ARHGAP6: variants seen among roughly 807,000 people sequenced by gnomAD.
ARHGAP6 encodes rho GTPase-activating protein 6.
In ARHGAP6, 16 loss-of-function variants were observed where a neutral mutation model predicts 55.7. The ratio of observed to expected loss-of-function variants is 0.29; its 90% CI spans 0.19 to 0.44. The LOEUF (loss-of-function observed/expected upper bound fraction) is 0.44. ARHGAP6 is among the 20% of genes least tolerant of loss of function. The pLI is 1.00. For synonymous variants in ARHGAP6, 382 were observed against 360.9 expected, an observed-to-expected ratio of 1.06 and a Z score of -0.66; for missense variants, 698 against 808.9, an observed-to-expected ratio of 0.86 and a Z score of 1.66.
intron 12 of ARHGAP6, among the ~76,000 whole-genome samples, chrX:11,141,643 G>T (rs1209789782): frequency 8.9e-6 from 1 of 112,411 alleles, no homozygotes; most frequent in Non-Finnish European, 1.9e-5. Flanking sequence ...GCACACAGCA[G>T]TGTAAAATCT....
intron 4 of ARHGAP6, among the ~76,000 whole-genome samples, chrX:11,187,869 AAATAAT>A (rs1033501707): frequency 2.7e-5 from 3 of 111,144 alleles, no homozygotes; most frequent in African/African-American, 6.6e-5. Flanking sequence ...TCTCTACTAA[AAATAAT>A]AATAATAACA....
intron 1 of ARHGAP6, among the ~76,000 whole-genome samples, chrX:11,507,173 TC>T (rs2050743359): frequency 9.0e-6 from 1 of 111,703 alleles, no homozygotes; most frequent in African/African-American, 3.3e-5. Flanking sequence ...AAAGCCTCAT[TC>T]TGAAGGGGAG....
intron 1 of ARHGAP6, among the ~76,000 whole-genome samples, chrX:11,546,730 A>C (rs1001888599): frequency 8.9e-6 from 1 of 112,014 alleles, no homozygotes; most frequent in Non-Finnish European, 1.9e-5. Flanking sequence ...TTCCAGGTCT[A>C]TATCCAACAT....
Position 11,300,659 on chromosome X carries a change from A to G in ARHGAP6, c.589-45952T>C, listed in dbSNP as rs2048161286. ...AATGAATACTTCAGATGCTTTCAGGAGTGACACAAGAACACAATGATTTTT... is the reference window on the plus strand; with the variant it reads ...AATGAATACTTCAGATGCTTTCAGGGGTGACACAAGAACACAATGATTTTT... On this transcript the variant is annotated intron_variant, in intron 1 of 12. Coordinates refer to ENST00000337414, the MANE Select transcript of ARHGAP6 (RefSeq NM_013427.3). 5 of 1,141,322 alleles carry G rather than the reference A, an allele frequency of 4.4e-6. No homozygotes were observed. In the East Asian group the frequency reaches 1.5e-4, roughly 34 times the overall value. The allele number at this position is 1,141,322 out of a possible 1,213,427, so 94.1% of individuals were successfully genotyped here. A position where few individuals can be genotyped will look rare whatever the true frequency, so the allele number is the denominator to read the frequency against.
intron 1 of ARHGAP6, among the ~76,000 whole-genome samples, chrX:11,511,439 G>A (rs2050784135): frequency 8.9e-6 from 1 of 112,254 alleles, no homozygotes. Context: ...CTAACCCCTG[G>A]GAGGACAGTG....
intron 1 of ARHGAP6, among the ~76,000 whole-genome samples, chrX:11,374,082 G>A (rs1714313627): frequency 8.9e-6 from 1 of 111,964 alleles, no homozygotes; most frequent in Non-Finnish European, 1.9e-5. Flanking sequence ...CATCCCTATA[G>A]CTAAGCCTGT....
At chrX:11,580,511 T>C (rs1294040703) in intron 1 of ARHGAP6, among the ~76,000 whole-genome samples, 2 of 112,068 alleles carry the variant, frequency 1.8e-5, no homozygotes, top group Non-Finnish European at 3.8e-5. Context: ...TGTCTCAAAC[T>C]GTTTTTTAAA....
In ARHGAP6 at chrX:11,168,479, G is replaced by A. The variant is rs191030874; in HGVS notation, c.1809+1026C>T. Among the ~76,000 whole-genome samples, 11 of 111,953 alleles carry A rather than the reference G, an allele frequency of 9.8e-5. No individual in the cohort carries two copies. The East Asian group carries it at 3.1e-3, about 31-fold the overall frequency. Reference sequence around the variant, plus strand: ...CACAATCACATAGGTAAGACACAGAGGGCAAATACTCTAAACTGCTGGGTC... The same window carrying A: ...CACAATCACATAGGTAAGACACAGAAGGCAAATACTCTAAACTGCTGGGTC... On this transcript the variant is annotated intron_variant, in intron 9 of 12. Coordinates refer to ENST00000337414, the MANE Select transcript of ARHGAP6 (RefSeq NM_013427.3).
intron 1 of ARHGAP6, among the ~76,000 whole-genome samples, chrX:11,454,874 T>G (rs966899685): frequency 5.3e-5 from 6 of 112,625 alleles, no homozygotes; most frequent in African/African-American, 9.7e-5. Context: ...TCCAGTTTGG[T>G]TTCATAATTG....
chrX:11,527,665 C>CT (rs2051004797), intron 1 of ARHGAP6, among the ~76,000 whole-genome samples: 1 of 112,275 alleles, frequency 8.9e-6, no homozygotes, highest in East Asian at 2.8e-4. Flanking sequence ...TCTGCTGCAT[C>CT]TTTTTTATCT....
chrX:11,470,798 T>A (rs1184667298), intron 1 of ARHGAP6, among the ~76,000 whole-genome samples: 1 of 111,992 alleles, frequency 8.9e-6, no homozygotes, highest in African/African-American at 3.2e-5. Context: ...GGCTCAGGGC[T>A]TCACAGTACA....
At chrX:11,537,038 C>A (rs1236277683) in intron 1 of ARHGAP6, among the ~76,000 whole-genome samples, 1 of 112,211 alleles carries the variant, frequency 8.9e-6, no homozygotes, top group Admixed American at 9.5e-5. Flanking sequence ...TGGGAGCTGT[C>A]CCTCAATACT....
At chrX:11,246,192 T>G (rs989650959) in intron 2 of ARHGAP6, among the ~76,000 whole-genome samples, 1 of 111,226 alleles carries the variant, frequency 9.0e-6, no homozygotes, top group African/African-American at 3.3e-5. Flanking sequence ...GATATGGTGA[T>G]GGCAAAAATG....
chrX:11,427,860 G>T, intron 1 of ARHGAP6: 1 of 593,330 alleles, frequency 1.7e-6, no homozygotes, highest in South Asian at 7.3e-5. Flanking sequence ...AGGAGGAGGA[G>T]GAGGGAGCGG....
chrX:11,510,221 T>C (rs995697001), intron 1 of ARHGAP6, among the ~76,000 whole-genome samples: 1 of 111,790 alleles, frequency 8.9e-6, no homozygotes, highest in African/African-American at 3.2e-5. Context: ...AAATAGATTA[T>C]ATATGCCCTT....
intron 2 of ARHGAP6, among the ~76,000 whole-genome samples, chrX:11,230,946 C>A (rs980774257): frequency 2.7e-5 from 3 of 110,037 alleles, no homozygotes; most frequent in Admixed American, 9.7e-5. Flanking sequence ...TCATTATCAC[C>A]CCAAGTCCAT....
chrX:11,658,754 G>A (rs929261885), intron 1 of ARHGAP6, among the ~76,000 whole-genome samples: 5 of 105,904 alleles, frequency 4.7e-5, no homozygotes, highest in African/African-American at 1.7e-4. Flanking sequence ...ACAAGCATGA[G>A]AGAAAATGGT....
At chrX:11,146,380 T>A (rs2045691993) in intron 10 of ARHGAP6, among the ~76,000 whole-genome samples, 1 of 111,275 alleles carries the variant, frequency 9.0e-6, no homozygotes, top group Non-Finnish European at 1.9e-5. Flanking sequence ...AGATGAGGTG[T>A]CTCATAGTAG....
chrX:11,604,246 A>G (rs2052008852), intron 1 of ARHGAP6, among the ~76,000 whole-genome samples: 1 of 111,963 alleles, frequency 8.9e-6, no homozygotes, highest in Admixed American at 9.5e-5. Context: ...TGCCTTAGAG[A>G]GAATGAAGCA....
Sources: allele counts gnomAD v4.1 joint callset (sites outside exome capture counted in the v4.1 genomes callset), GRCh38; gene constraint gnomAD v4.1.1; transcripts MANE v1.5; gene names NCBI Gene and HGNC (gene_info 2026-07-23, HGNC 2026-07-21).